BCL11B: variants seen among roughly 807,000 people sequenced by gnomAD.
BCL11B encodes the protein BCL11 transcription factor B.
A neutral mutation model predicts 49.9 loss-of-function variants in BCL11B; 8 were observed. The observed-to-expected ratio is 0.16, with a 90% CI of 0.09 to 0.29. The LOEUF (loss-of-function observed/expected upper bound fraction) is 0.29. Among genes scored for constraint, BCL11B ranks in the 10% least tolerant of loss-of-function variants. BCL11B has a pLI of 1.00. For synonymous variants in BCL11B, 739 were observed against 637.4 expected (o/e 1.16, Z -2.40); for missense variants, 1,006 against 1,351.0 (o/e 0.74, Z 4.00).
intron 1 of BCL11B, among the ~76,000 whole-genome samples, chr14:99,266,545 T>C (rs1230422270): frequency 6.6e-6 from 1 of 152,256 alleles, no homozygotes; most frequent in Admixed American, 6.5e-5. Context: ...TCAATGGCGA[T>C]AGCTTGAAAA....
chr14:99,212,000 C>A (rs1887702482), intron 3 of BCL11B, among the ~76,000 whole-genome samples: 1 of 152,000 alleles, frequency 6.6e-6, no homozygotes. Flanking sequence ...AGAGTTGGTT[C>A]CAAACTCAGA....
chr14:99,177,909 T>C (rs1393170511), intron 3 of BCL11B, among the ~76,000 whole-genome samples: 1 of 152,154 alleles, frequency 6.6e-6, no homozygotes, highest in Non-Finnish European at 1.5e-5. Flanking sequence ...AACTTTCATT[T>C]GGAAACCATC....
At position 99,257,919 on chromosome 14, in the gene BCL11B, C is replaced by T; in HGVS notation, c.59-80G>A. 1.4e-6 allele frequency: 2 copies of T among 1,404,882 alleles called. No homozygotes were observed. The highest frequency in any genetic ancestry group is 1.9e-6 in the Non-Finnish European group (2 of 1,071,876). The allele number at this position is 1,404,882 out of a possible 1,614,324, so 87.0% of individuals were successfully genotyped here. A position where few individuals can be genotyped will look rare whatever the true frequency, so the allele number is the denominator to read the frequency against. ...CGGTCACAGCACCCAACTTCCGGTC[C>T]ACCCCTTCCCCGCCAAGAAGCAGCC... is the stretch of plus-strand genomic sequence containing the variant. On this transcript the variant is annotated intron_variant, in intron 1 of 3. Coordinates refer to ENST00000357195, the MANE Select transcript of BCL11B (RefSeq NM_138576.4). The surrounding 1 kb of genome is among the most constrained non-coding windows in gnomAD (Gnocchi z 6.2).
At chr14:99,250,275 T>TC (rs1455773054) in intron 2 of BCL11B, among the ~76,000 whole-genome samples, 4 of 151,324 alleles carry the variant, frequency 2.6e-5, no homozygotes, top group East Asian at 2.0e-4. Context: ...GACCTCATGA[T>TC]CCCCCCGCCT....
chr14:99,229,064 A>G (rs1415971274), intron 3 of BCL11B, among the ~76,000 whole-genome samples: 1 of 149,336 alleles, frequency 6.7e-6, no homozygotes, highest in Non-Finnish European at 1.5e-5. Flanking sequence ...GGATGGATGG[A>G]TGGATGGATG....
chr14:99,189,993 C>T (rs1335713531), intron 3 of BCL11B, among the ~76,000 whole-genome samples: 3 of 152,124 alleles, frequency 2.0e-5, no homozygotes, highest in African/African-American at 7.2e-5. Flanking sequence ...GTGGGCCGAG[C>T]CCAGGAAATC....
intron 2 of BCL11B, among the ~76,000 whole-genome samples, chr14:99,246,102 G>A (rs1456427271): frequency 6.6e-6 from 1 of 151,736 alleles, no homozygotes; most frequent in Non-Finnish European, 1.5e-5. Context: ...GGATGCACGA[G>A]GGAAACCCCT....
Position 99,231,438 on chromosome 14 carries a change from G to T in BCL11B, c.547C>A (p.Leu183Met), listed in dbSNP as rs201298258. 2 of 1,596,734 alleles carry T rather than the reference G, an allele frequency of 1.3e-6. No individual in the cohort carries two copies. The highest frequency in any genetic ancestry group is 1.7e-6 in the Non-Finnish European group (2 of 1,171,192). The change falls in exon 3 of 4, where the codon CTG becomes ATG. Residue 183 changes from leucine (L) to methionine (M), a missense_variant. Coordinates refer to ENST00000357195, the MANE Select transcript of BCL11B (RefSeq NM_138576.4). This position sits in a 1 kb window ranked among gnomAD's most constrained non-coding sequence, Gnocchi z 8.1. ...ACCGGGCGCGCGCTGCAGCACGGCAGGGGGAGGCAGGGCGGGAGAGCGCCC... is the reference window on the plus strand; with the variant it reads ...ACCGGGCGCGCGCTGCAGCACGGCATGGGGAGGCAGGGCGGGAGAGCGCCC... ...ALGALPPCLP[L>M]PCCSARPVSG...
chr14:99,192,113 G>T lies in BCL11B; in HGVS notation c.641-15918C>A, dbSNP rs1566802950. On this transcript the variant is annotated intron_variant, in intron 3 of 3. Coordinates refer to ENST00000357195, the MANE Select transcript of BCL11B (RefSeq NM_138576.4). The surrounding 1 kb of genome is among the most constrained non-coding windows in gnomAD (Gnocchi z 4.0). ...ACAATCACTGGAGTGATTCTTCTTA[G>T]TTGTAGAAACACTCCAAATCAGAAA... 6.6e-6 allele frequency among the ~76,000 whole-genome samples: 1 copy of T among 152,184 alleles called. No individual in the cohort carries two copies. The highest frequency in any genetic ancestry group is 1.5e-5 in the Non-Finnish European group (1 of 68,030).
At chr14:99,227,329 C>A (rs1463445437) in intron 3 of BCL11B, among the ~76,000 whole-genome samples, 1 of 152,178 alleles carries the variant, frequency 6.6e-6, no homozygotes, top group African/African-American at 2.4e-5. Flanking sequence ...TATGATCTCA[C>A]ACGATCCCCA....
chr14:99,219,812 T>TAA, intron 3 of BCL11B, among the ~76,000 whole-genome samples: 1 of 130,290 alleles, frequency 7.7e-6, no homozygotes, highest in Non-Finnish European at 1.6e-5. Context: ...AAAATAAAAA[T>TAA]TAAAAAAAAA....
At position 99,174,834 on chromosome 14, in the gene BCL11B, G is replaced by A; in HGVS notation, c.2002C>T (p.Leu668Phe). ...FAPGTEPFPG[L>F]FPRKPAPLPS... ...AGCGGCGCGGGCTTGCGCGGGAAGA[G>A]CCCGGGGAAGGGCTCGGTGCCTGGC... The change falls in exon 4 of 4, where the codon CTC becomes TTC. Residue 668 changes from leucine (L) to phenylalanine (F), a missense_variant. By Grantham distance (22) the Leu-to-Phe change is conservative. Transcript: ENST00000357195. The A allele has an allele frequency of 7.5e-7, 1 of 1,331,894 alleles. No individual in the cohort carries two copies. Among genetic ancestry groups the A allele is most frequent in the Non-Finnish European group, 9.6e-7 (1 of 1,041,478 alleles). 82.5% of individuals were successfully genotyped at this position (1,331,894 alleles called of 1,614,324 possible).
chr14:99,177,577 G>C (rs1484141472), intron 3 of BCL11B, among the ~76,000 whole-genome samples: 1 of 148,624 alleles, frequency 6.7e-6, no homozygotes, highest in African/African-American at 2.5e-5. Context: ...AAGAATCCCA[G>C]CTCAGATCCA....
In BCL11B at chr14:99,257,200, C is replaced by T. The variant is rs1321569468; in HGVS notation, c.427+271G>A. On this transcript the variant is annotated intron_variant, in intron 2 of 3. Coordinates refer to ENST00000357195, the MANE Select transcript of BCL11B (RefSeq NM_138576.4). This position sits in a 1 kb window ranked among gnomAD's most constrained non-coding sequence, Gnocchi z 6.2. Reference sequence around the variant, plus strand: ...CAGACTTCCAAATTTTCATTCTGTGCTTCTGACCACCTCTGGATTAGCCCC... The same window carrying T: ...CAGACTTCCAAATTTTCATTCTGTGTTTCTGACCACCTCTGGATTAGCCCC... Among the ~76,000 whole-genome samples, 1 of 152,186 alleles carries T rather than the reference C, an allele frequency of 6.6e-6. No homozygotes were observed. The highest frequency in any genetic ancestry group is 2.4e-5 in the African/African-American group (1 of 41,448).
At chr14:99,253,739 C>G (rs1275092534) in intron 2 of BCL11B, among the ~76,000 whole-genome samples, 1 of 152,188 alleles carries the variant, frequency 6.6e-6, no homozygotes, top group African/African-American at 2.4e-5. Flanking sequence ...GCCACGTGCT[C>G]TTTGCAAAAC....
intron 1 of BCL11B, among the ~76,000 whole-genome samples, chr14:99,260,376 A>AT (rs1213984817): frequency 6.6e-6 from 1 of 152,144 alleles, no homozygotes; most frequent in Non-Finnish European, 1.5e-5. Context: ...GGTTTTTTTA[A>AT]TTTAATCTTC....
chr14:99,211,010 C>T (rs183412112), intron 3 of BCL11B, among the ~76,000 whole-genome samples: 26 of 152,290 alleles, frequency 1.7e-4, no homozygotes, highest in African/African-American at 5.3e-4. Context: ...CTACCAATGA[C>T]GACAATGATC....
rs1175234028 is a variant in BCL11B, at chr14:99,205,578, C to T, written c.640+25767G>A. On this transcript the variant is annotated intron_variant, in intron 3 of 3. Transcript: ENST00000357195. The surrounding 1 kb of genome is among the most constrained non-coding windows in gnomAD (Gnocchi z 5.0). ...TGAACTTTGTGATGCCTGAGATGAG[C>T]TCCCTTTTCCAGAGGAGGAAAAAGG... Among the ~76,000 whole-genome samples, 1 of 152,100 alleles carries T rather than the reference C, an allele frequency of 6.6e-6. No homozygotes were observed. The highest frequency in any genetic ancestry group is 1.5e-5 in the Non-Finnish European group (1 of 68,022).
intron 1 of BCL11B, among the ~76,000 whole-genome samples, chr14:99,268,157 C>G (rs1237411587): frequency 1.3e-5 from 2 of 151,906 alleles, no homozygotes; most frequent in East Asian, 3.9e-4. Flanking sequence ...AACCAGAAGC[C>G]CAGGTTTCCA....
Sources: gnomAD v4.1 joint callset for allele counts (sites outside exome capture counted in the v4.1 genomes callset) on GRCh38, gnomAD v4.1.1 for gene constraint, Gnocchi (gnomAD v3.1) non-coding constraint, MANE v1.5 for transcripts, NCBI Gene and HGNC (gene_info 2026-07-23, HGNC 2026-07-21) for gene names.